Variants in CABLES1 observed in about 807,000 individuals in gnomAD.
CABLES1 encodes the protein CDK5 and ABL1 enzyme substrate 1.
CABLES1 carries 36 observed loss-of-function variants against 57.8 expected under a neutral mutation model. The ratio of observed to expected loss-of-function variants is 0.62; its 90% CI spans 0.48 to 0.82. The LOEUF is 0.82. Among genes scored for constraint, CABLES1 ranks in the 40% least tolerant of loss-of-function variants. The pLI is 0.00. For synonymous variants in CABLES1, 374 were observed against 363.0 expected (o/e 1.03, Z -0.35); for missense variants, 767 against 836.6 (o/e 0.92, Z 1.03).
chr18:23,248,470 A>G, intron 7 of CABLES1, among the ~76,000 whole-genome samples: 1 of 145,662 alleles, frequency 6.9e-6, no homozygotes, highest in East Asian at 2.1e-4. Context: ...CACTTGGCCC[A>G]GGATTTAGCG....
At chr18:23,187,568 G>A (rs1364472225) in intron 1 of CABLES1, among the ~76,000 whole-genome samples, 1 of 152,148 alleles carries the variant, frequency 6.6e-6, no homozygotes, top group Non-Finnish European at 1.5e-5. Context: ...TGTATTTTTA[G>A]TAAAGACAGG....
intron 4 of CABLES1, among the ~76,000 whole-genome samples, chr18:23,218,563 GCCTCCC>G (rs1289152966): frequency 2.2e-4 from 15 of 69,766 alleles, no homozygotes; most frequent in Non-Finnish European, 1.8e-4. Context: ...CACTTGCCCT[GCCTCCC>G]GCATCCTCAC....
chr18:23,154,620 C>T (rs1451801963), intron 1 of CABLES1, among the ~76,000 whole-genome samples: 1 of 152,142 alleles, frequency 6.6e-6, no homozygotes, highest in Non-Finnish European at 1.5e-5. Flanking sequence ...TCTTGTATCC[C>T]ATATACTCTG....
upstream of CABLES1, chr18:23,134,571 TGAGATAAAC>T (rs2046803513): frequency 6.6e-6 from 1 of 152,070 alleles, no homozygotes; most frequent in Non-Finnish European, 1.5e-5. Flanking sequence ...AACGTGCTTA[TGAGATAAAC>T]GACAGGGTAA....
At position 23,234,672 on chromosome 18, in the gene CABLES1, C is replaced by T. The variant is rs1188225691; in HGVS notation, c.1153C>T (p.Leu385=). The T allele has an allele frequency of 6.2e-7, 1 of 1,613,792 alleles. No individual in the cohort carries two copies. Among genetic ancestry groups the T allele is most frequent in the Non-Finnish European group, 8.5e-7 (1 of 1,179,840 alleles). ...AGTGAGTTTGAAAGAGATCATTGGT[C>T]TGGAAGGTGTGGAGCTGGGTGCTGA... ...GAVSLKEIIG[L]EGVELGADGK... is the part of the protein sequence containing the mutation. Residue 385 remains leucine, a synonymous_variant, in exon 5 of 10, where the codon CTG becomes TTG. Transcript: ENST00000256925.
intron 1 of CABLES1, among the ~76,000 whole-genome samples, chr18:23,142,630 A>ATTGTG (rs1228882735): frequency 6.6e-6 from 1 of 152,234 alleles, no homozygotes; most frequent in Non-Finnish European, 1.5e-5. Context: ...TCACTTATTC[A>ATTGTG]TTCAACAAAC....
At chr18:23,193,156 C>T (rs548580569) in intron 2 of CABLES1, among the ~76,000 whole-genome samples, 2 of 152,074 alleles carry the variant, frequency 1.3e-5, no homozygotes, top group Admixed American at 6.6e-5. Context: ...TACTAAATGT[C>T]CTCAAACAGG....
In CABLES1 at chr18:23,136,483, AACTCGTTC is replaced by A. The variant is rs1433922851; in HGVS notation, c.726_733del (p.Phe243GlyfsTer54). On this transcript the variant is annotated frameshift_variant, in exon 1 of 10. Transcript: ENST00000256925. LOFTEE classifies it high-confidence loss of function. Reference sequence around the variant, plus strand: ...TGGGAGCGGCAGTCGGGGACGCCTCAACTCGTTCACTCAGGGAATCCTGCCCATCGCCT... The same window carrying A: ...TGGGAGCGGCAGTCGGGGACGCCTCAACTCAGGGAATCCTGCCCATCGCCT... The A allele has an allele frequency of 6.2e-7, 1 of 1,603,054 alleles. No homozygotes were observed. Among genetic ancestry groups the A allele is most frequent in the Non-Finnish European group, 8.5e-7 (1 of 1,177,638 alleles).
intron 9 of CABLES1, among the ~76,000 whole-genome samples, chr18:23,256,451 G>C (rs940359326): frequency 4.6e-5 from 7 of 152,168 alleles, no homozygotes; most frequent in African/African-American, 1.4e-4. Flanking sequence ...TTACCACGTG[G>C]TTTTTATTGT....
At chr18:23,146,652 A>G (rs904445788) in intron 1 of CABLES1, among the ~76,000 whole-genome samples, 1 of 152,244 alleles carries the variant, frequency 6.6e-6, no homozygotes, top group African/African-American at 2.4e-5. Flanking sequence ...TGATAGTATT[A>G]TAAGTTCTGT....
In CABLES1 at chr18:23,260,177, G is replaced by A. The variant is rs2048260966; in HGVS notation, c.*2810G>A. 1 of 152,250 alleles carries A rather than the reference G, an allele frequency of 6.6e-6. No individual in the cohort carries two copies. The allele number at this position is 152,250 out of a possible 1,614,324, so 9.4% of individuals were successfully genotyped here. A position where few individuals can be genotyped will look rare whatever the true frequency, so the allele number is the denominator to read the frequency against. ...CTTGCCAGCCCAATGACACCTTGAA[G>A]TCACCACTTTTCCTTTCTTGCCCGC... On this transcript the variant is annotated 3_prime_UTR_variant, in exon 10 of 10. Transcript: ENST00000256925.
chr18:23,233,360 C>T (rs954652627), intron 4 of CABLES1, among the ~76,000 whole-genome samples: 23 of 152,160 alleles, frequency 1.5e-4, no homozygotes, highest in Non-Finnish European at 2.8e-4. Flanking sequence ...TGCATCTCCA[C>T]GGCAATGTGA....
chr18:23,238,648 G>A (rs1436872839), intron 7 of CABLES1, among the ~76,000 whole-genome samples: 1 of 152,214 alleles, frequency 6.6e-6, no homozygotes, highest in Non-Finnish European at 1.5e-5. Context: ...CAAGGAGGGA[G>A]CAACTGGTGT....
chr18:23,191,994 G>A (rs944383919), intron 2 of CABLES1, among the ~76,000 whole-genome samples: 21 of 149,684 alleles, frequency 1.4e-4, no homozygotes, highest in Non-Finnish European at 3.0e-4. Flanking sequence ...TAAGGTGTAT[G>A]TGCAGTTAGA....
chr18:23,134,743 C>T (rs757838466), upstream of CABLES1: 1 of 152,092 alleles, frequency 6.6e-6, no homozygotes, highest in Non-Finnish European at 1.5e-5. Flanking sequence ...AAAAAATTTG[C>T]GTTGTCCTTT....
At chr18:23,218,816 C>G (rs1012965268) in intron 4 of CABLES1, among the ~76,000 whole-genome samples, 1 of 152,188 alleles carries the variant, frequency 6.6e-6, no homozygotes, top group African/African-American at 2.4e-5. Context: ...TTCATTCATT[C>G]TTTTATGCAT....
At chr18:23,256,192 A>G (rs765527815) in intron 9 of CABLES1, among the ~76,000 whole-genome samples, 1 of 152,256 alleles carries the variant, frequency 6.6e-6, no homozygotes, top group Non-Finnish European at 1.5e-5. Flanking sequence ...AGCTGGGTTG[A>G]CGCCAAGGCA....
At chr18:23,166,243 C>T (rs1329369117) in intron 1 of CABLES1, among the ~76,000 whole-genome samples, 1 of 151,480 alleles carries the variant, frequency 6.6e-6, no homozygotes, top group African/African-American at 2.4e-5. Flanking sequence ...CTCTCGTTGC[C>T]CAGGCTGGAG....
intron 4 of CABLES1, among the ~76,000 whole-genome samples, chr18:23,228,763 A>G (rs1467725122): frequency 6.6e-6 from 1 of 151,678 alleles, no homozygotes; most frequent in Admixed American, 6.6e-5. Context: ...AAAAAAAAAA[A>G]AAGTATATAT....
Sources: allele counts gnomAD v4.1 joint callset (sites outside exome capture counted in the v4.1 genomes callset), GRCh38; gene constraint gnomAD v4.1.1; transcripts MANE v1.5; gene names NCBI Gene and HGNC (gene_info 2026-07-23, HGNC 2026-07-21).